MGAM: variants seen among roughly 807,000 people sequenced by gnomAD.
MGAM encodes alpha-1,4-glucosidase.
In MGAM, 253 loss-of-function variants were observed where a neutral mutation model predicts 358.8. The ratio of observed to expected loss-of-function variants is 0.71; its 90% CI spans 0.64 to 0.78. The LOEUF (loss-of-function observed/expected upper bound fraction) is 0.78. Among genes scored for constraint, MGAM ranks in the 30% least tolerant of loss-of-function variants. The pLI is 0.00. For missense variants in MGAM, 3,080 were observed against 3,432.6 expected (o/e 0.90, Z 2.57); for synonymous variants, 1,105 against 1,227.1 (o/e 0.90, Z 2.08).
At position 142,093,455 on chromosome 7, in the gene MGAM, C is replaced by T. The variant is rs760309637; in HGVS notation, c.7077C>T (p.Cys2359=). ...GGGGCCTGAGCAGCAAGACCCTGTG[C>T]ATGGAGAGTCAGCAGATCCTCCCAG... The part of the protein sequence containing the change: ...RDRGLSSKTL[C]MESQQILPDG... The change falls in exon 60 of 71, where the codon TGC becomes TGT. Residue 2359 remains cysteine (C), a synonymous_variant. Coordinates refer to ENST00000475668, the MANE Select transcript of MGAM (RefSeq NM_001365693.1). 16 of 1,535,530 alleles carry T rather than the reference C, an allele frequency of 1.0e-5. No individual in the cohort carries two copies. The South Asian group carries it at 1.4e-4, about 13-fold the overall frequency.
chr7:142,036,281 A>G lies in MGAM; in HGVS notation c.2072A>G (p.Tyr691Cys), dbSNP rs1554465808. 1 of 1,600,274 alleles carries G rather than the reference A, an allele frequency of 6.2e-7. No individual in the cohort carries two copies. Among genetic ancestry groups the G allele is most frequent in the Admixed American group, 1.7e-5 (1 of 58,242 alleles). ...TCTAGAAATCACAATGGCCAAGGCT[A>G]CAAGGTAAGGCTCCTAGGACATAGA... is the stretch of plus-strand genomic sequence containing the variant. ...PFSRNHNGQG[Y>C]KDQDPASFGA... The change falls in exon 17 of 71, where the codon TAC (tyrosine) becomes TGC (cysteine). Residue 691 changes from tyrosine to cysteine, a missense_variant. Coordinates refer to ENST00000475668, the MANE Select transcript of MGAM (RefSeq NM_001365693.1).
In MGAM at chr7:142,008,569, C is replaced by A. The variant is rs782165691; in HGVS notation, c.191C>A (p.Thr64Lys). 1.2e-6 allele frequency: 2 copies of A among 1,613,042 alleles called. No homozygotes were observed. The highest frequency in any genetic ancestry group is 1.7e-5 in the Admixed American group (1 of 59,882). Residue 64 changes from threonine to lysine, a missense_variant, in exon 3 of 71, where the codon ACA becomes AAA. Transcript: ENST00000475668. ...ACAACTGGTACCCCAGATCCTGGAACAACTGGTACCACACATGCTAGGACA... is the reference window on the plus strand; with the variant it reads ...ACAACTGGTACCCCAGATCCTGGAAAAACTGGTACCACACATGCTAGGACA... ...PGTTGTPDPG[T>K]TGTTHARTTG...
chr7:142,031,346 T>A (rs144986591), intron 12 of MGAM, among the ~76,000 whole-genome samples: 1 of 152,276 alleles, frequency 6.6e-6, no homozygotes, highest in African/African-American at 2.4e-5. Flanking sequence ...TATAGTGGAC[T>A]AGCTGAAATT....
rs769136341 is a variant in MGAM, at chr7:142,105,769, A to G, written c.8185-45A>G. ...CACCTGATTTATTTGCATGCAGGAA[A>G]TTTCAACACCGGATGCCCAATTCTT... On this transcript the variant is annotated intron_variant, in intron 70 of 70. Transcript: ENST00000475668. The G allele has an allele frequency of 4.1e-6, 6 of 1,476,962 alleles. No individual in the cohort carries two copies. In the Admixed American group the frequency reaches 1.0e-4, roughly 25 times the overall value. The allele number at this position is 1,476,962 out of a possible 1,614,324, so 91.5% of individuals were successfully genotyped here.
intron 47 of MGAM, 122 bp from the exon 48 acceptor site, chr7:142,078,196 T>C (rs1813906661): frequency 2.5e-6 from 2 of 786,896 alleles, no homozygotes; most frequent in South Asian, 4.5e-5. Flanking sequence ...GTTGCTTGGA[T>C]GGTTGAAAGT....
chr7:141,992,858 C>T (rs1804007169), upstream of MGAM, among the ~76,000 whole-genome samples: 1 of 152,300 alleles, frequency 6.6e-6, no homozygotes, highest in African/African-American at 2.4e-5. Flanking sequence ...GCTAGGATTA[C>T]ATGTATGAGC....
chr7:142,097,876 T>C (rs1487404317), intron 66 of MGAM, among the ~76,000 whole-genome samples: 1 of 152,148 alleles, frequency 6.6e-6, no homozygotes, highest in Non-Finnish European at 1.5e-5. Flanking sequence ...CTCACTCAGG[T>C]TTTTCGTGGG....
chr7:142,096,378 T>G lies in MGAM; in HGVS notation c.7655T>G (p.Leu2552Arg). The change falls in exon 65 of 71, where the codon CTG becomes CGG. Residue 2552 changes from leucine (L) to arginine (R), a missense_variant. This residue lies in a region of MGAM where 932 missense variants were observed against 1,198.2 expected (regional missense o/e 0.78). Transcript: ENST00000475668. ...TGGGACATAGACAGTCAGTTCCTGC[T>G]GGGCCCAGCCTTCCTGGTCAGCCCT... ...VTWDIDSQFL[L>R]GPAFLVSPVL... 3 of 1,613,786 alleles carry G rather than the reference T, an allele frequency of 1.9e-6. No individual in the cohort carries two copies. Among genetic ancestry groups the G allele is most frequent in the Non-Finnish European group, 1.7e-6 (2 of 1,179,716 alleles).
intron 21 of MGAM, among the ~76,000 whole-genome samples, chr7:142,042,014 AAT>A (rs578120209): frequency 0.013 from 297 of 22,420 alleles, 21 homozygotes; most frequent in African/African-American, 0.056. Context: ...TATATAATAT[AAT>A]ATATATATAT....
At chr7:142,058,998 A>G (rs980702622) in intron 31 of MGAM, among the ~76,000 whole-genome samples, 2 of 152,204 alleles carry the variant, frequency 1.3e-5, no homozygotes, top group African/African-American at 4.8e-5. Context: ...CTCAGGAAGA[A>G]TGTTGTGTAT....
chr7:142,029,117 A>C (rs1807223644), intron 10 of MGAM, among the ~76,000 whole-genome samples: 1 of 152,120 alleles, frequency 6.6e-6, no homozygotes, highest in Non-Finnish European at 1.5e-5. Context: ...TTGGGAAGCC[A>C]AGGCAGGCAG....
At chr7:142,090,359 C>A (rs1272061659) in intron 57 of MGAM, among the ~76,000 whole-genome samples, 1 of 145,506 alleles carries the variant, frequency 6.9e-6, no homozygotes, top group African/African-American at 2.4e-5. Context: ...CTCCATCCCC[C>A]ACCCATCCCG....
chr7:142,046,189 T>G (rs1157163566), intron 21 of MGAM, among the ~76,000 whole-genome samples: 1 of 147,730 alleles, frequency 6.8e-6, no homozygotes, highest in Non-Finnish European at 1.5e-5. Flanking sequence ...TTTTTGCTCC[T>G]TAGATGATTT....
intron 21 of MGAM, among the ~76,000 whole-genome samples, chr7:142,043,125 ATATATT>A (rs1809276982): frequency 7.3e-5 from 1 of 13,792 alleles, no homozygotes; most frequent in African/African-American, 4.1e-4. Context: ...AATATAATAT[ATATATT>A]ATATATACAT....
In MGAM at chr7:142,070,569, C is replaced by T. The variant is rs887560126; in HGVS notation, c.5062-425C>T. ...GGGGGTGAGGAGGCTATGCGGCTGA[C>T]ATCTGAGGATTCTGCTAAATATCAA... On this transcript the variant is annotated intron_variant, in intron 43 of 70. Transcript: ENST00000475668. Among the ~76,000 whole-genome samples, 6 of 145,938 alleles carry T rather than the reference C, an allele frequency of 4.1e-5. 1 individual carries two copies. The highest frequency in any genetic ancestry group is 1.5e-4 in the African/African-American group (6 of 41,054).
chr7:142,004,628 C>G (rs1554451768), intron 1 of MGAM: 1 of 151,966 alleles, frequency 6.6e-6, no homozygotes, highest in African/African-American at 2.4e-5. Context: ...CAGTCTTCAC[C>G]ACTATGCATA....
Position 142,100,961 on chromosome 7 carries a change from T to A in MGAM, c.7963+71T>A, listed in dbSNP as rs10237351. On this transcript the variant is annotated intron_variant, in intron 68 of 70. Coordinates refer to ENST00000475668, the MANE Select transcript of MGAM (RefSeq NM_001365693.1). Reference sequence around the variant, plus strand: ...TTCCTGGATTATCTTACAGGCCTGCTTTCACCTTTTCCCTATTATAACAAT... The same window carrying A: ...TTCCTGGATTATCTTACAGGCCTGCATTCACCTTTTCCCTATTATAACAAT... 8 of 1,331,830 alleles carry A rather than the reference T, an allele frequency of 6.0e-6. 1 individual carries two copies. The South Asian group carries it at 9.3e-5, about 15-fold the overall frequency. The allele number at this position is 1,331,830 out of a possible 1,614,324, so 82.5% of individuals were successfully genotyped here.
chr7:142,006,563 T>C (rs782562945), intron 2 of MGAM, among the ~76,000 whole-genome samples: 3 of 152,178 alleles, frequency 2.0e-5, no homozygotes, highest in Non-Finnish European at 2.9e-5. Flanking sequence ...CTTTCCCCTC[T>C]TGGGAGCCAT....
chr7:142,048,520 T>TTTTTTTTTTTTTTTTTTTTTTTTTTTG (rs1563163870), intron 22 of MGAM, among the ~76,000 whole-genome samples: 78 of 151,464 alleles, frequency 5.1e-4, no homozygotes, highest in Non-Finnish European at 8.3e-4. Context: ...AACCCAATGT[T>TTTTTTTTTTTTTTTTTTTTTTTTTTTG]AATGTCTTCC....
Sources: gnomAD v4.1 joint callset for allele counts (sites outside exome capture counted in the v4.1 genomes callset) on GRCh38, gnomAD v4.1.1 for gene constraint, gnomAD v4.1.1 regional missense constraint, MANE v1.5 for transcripts, NCBI Gene and HGNC (gene_info 2026-07-23, HGNC 2026-07-21) for gene names.